TMED3: variants seen among roughly 807,000 people sequenced by gnomAD.
TMED3 encodes transmembrane p24 trafficking protein 3.
A neutral mutation model predicts 15.0 loss-of-function variants in TMED3; 9 were observed. That is an observed-to-expected ratio of 0.60 (90% CI 0.36 to 1.04). The LOEUF (loss-of-function observed/expected upper bound fraction) is 1.04, where lower values mean the gene tolerates loss of function less well. TMED3 is among the 50% of genes least tolerant of loss of function. The probability of loss-of-function intolerance (pLI) is 0.01; values close to 1 mark genes in which losing one functional copy is unlikely to be tolerated. For missense variants in TMED3, 267 were observed against 278.9 expected (o/e 0.96, Z 0.30); for synonymous variants, 117 against 121.4 (o/e 0.96, Z 0.24).
rs10851919 is a variant in TMED3 at position 79,374,113 on chromosome 15, T to C, written c.418-37287T>C. 7.9e-5 allele frequency among the ~76,000 whole-genome samples: 12 copies of C among 152,098 alleles called. No homozygotes were observed. The East Asian group carries it at 2.1e-3, about 27-fold the overall frequency. On this transcript the variant is annotated intron_variant, in intron 2 of 2. Transcript: ENST00000424155. Reference sequence around the variant, plus strand: ...AAGGGGACTCTCTTCAGAATGTAAATTTTCCCCAGTGGCCCTGTAACGTTG... The same window carrying C: ...AAGGGGACTCTCTTCAGAATGTAAACTTTCCCCAGTGGCCCTGTAACGTTG...
At chr15:79,388,115 A>G (rs903506385) in intron 2 of TMED3, among the ~76,000 whole-genome samples, 2 of 152,138 alleles carry the variant, frequency 1.3e-5, no homozygotes, top group Admixed American at 6.5e-5. Context: ...GATGCCCAGT[A>G]AAGTGATGAA....
chr15:79,339,129 C>G (rs1476663788), intron 2 of TMED3, among the ~76,000 whole-genome samples: 1 of 152,174 alleles, frequency 6.6e-6, no homozygotes, highest in East Asian at 1.9e-4. Flanking sequence ...TACTAAAAGT[C>G]TCTAATAATG....
At chr15:79,333,472 T>G (rs2058816827) in intron 2 of TMED3, among the ~76,000 whole-genome samples, 1 of 152,226 alleles carries the variant, frequency 6.6e-6, no homozygotes, top group African/African-American at 2.4e-5. Context: ...TCAAAACTAC[T>G]GAGCCATTAT....
chr15:79,329,126 G>A (rs565244648), intron 2 of TMED3, among the ~76,000 whole-genome samples: 1 of 152,322 alleles, frequency 6.6e-6, no homozygotes, highest in South Asian at 2.1e-4. Context: ...GAATGAAGTT[G>A]TCAAGTATTA....
chr15:79,337,056 C>G (rs2058829848), intron 2 of TMED3, among the ~76,000 whole-genome samples: 1 of 152,244 alleles, frequency 6.6e-6, no homozygotes, highest in Admixed American at 6.5e-5. Flanking sequence ...TCTATTGGAT[C>G]TATCTGCTTT....
chr15:79,398,612 C>A (rs916735486), intron 2 of TMED3, among the ~76,000 whole-genome samples: 1 of 152,144 alleles, frequency 6.6e-6, no homozygotes, highest in African/African-American at 2.4e-5. Context: ...AGAGTTAGTC[C>A]CCTTACTCCA....
At chr15:79,316,820 G>A (rs1389047935) in intron 2 of TMED3, among the ~76,000 whole-genome samples, 3 of 152,174 alleles carry the variant, frequency 2.0e-5, no homozygotes, top group Non-Finnish European at 2.9e-5. Flanking sequence ...TGGAAAAACA[G>A]GACCCTGAAA....
chr15:79,356,274 C>A (rs1692055705), intron 2 of TMED3, among the ~76,000 whole-genome samples: 1 of 152,188 alleles, frequency 6.6e-6, no homozygotes, highest in African/African-American at 2.4e-5. Context: ...AATGTCCCCC[C>A]ATTAGAACAA....
intron 2 of TMED3, among the ~76,000 whole-genome samples, chr15:79,408,597 A>G (rs550215810): frequency 1.8e-4 from 28 of 152,292 alleles, no homozygotes; most frequent in African/African-American, 6.5e-4. Flanking sequence ...GGAGACAGAG[A>G]AGGAGTGGGA....
Position 79,311,434 on chromosome 15 carries a change from G to A in TMED3, c.168+17G>A, listed in dbSNP as rs752024617. The A allele has an allele frequency of 6.3e-7, 1 of 1,595,472 alleles. No homozygotes were observed. The highest frequency in any genetic ancestry group is 1.1e-5 in the South Asian group (1 of 88,070). On this transcript the variant is annotated intron_variant, in intron 1 of 2. Transcript: ENST00000299705. ...GATTACCAGGTGAGGCCGGGCGCCC[G>A]GCAGCGCTCCCTTCTCCCTCCACTC...
chr15:79,329,418 A>G (rs1168917289), intron 2 of TMED3, among the ~76,000 whole-genome samples: 1 of 152,234 alleles, frequency 6.6e-6, no homozygotes, highest in Non-Finnish European at 1.5e-5. Flanking sequence ...GGCCAGAGTG[A>G]CTCAGCAAGT....
At chr15:79,401,403 G>A (rs1233308743) in intron 2 of TMED3, among the ~76,000 whole-genome samples, 1 of 152,148 alleles carries the variant, frequency 6.6e-6, no homozygotes, top group African/African-American at 2.4e-5. Flanking sequence ...GAGTGCATAG[G>A]AGGACGAGAA....
rs1301047242 is a variant in TMED3, at chr15:79,322,775, T to G, written c.*561T>G. 7 of 985,336 alleles carry G rather than the reference T, an allele frequency of 7.1e-6. No homozygotes were observed. The East Asian group carries it at 5.7e-4, about 80-fold the overall frequency. 61.0% of individuals were successfully genotyped at this position (985,336 alleles called of 1,614,324 possible). A position where few individuals can be genotyped will look rare whatever the true frequency, so the allele number is the denominator to read the frequency against. On this transcript the variant is annotated 3_prime_UTR_variant, in exon 3 of 3. Transcript: ENST00000299705. ...TGGTGACTGGGTGCCCTTGGTGAGCTGTGTATTTCCTAGGAGGTAGAAAAC... is the reference window on the plus strand; with the variant it reads ...TGGTGACTGGGTGCCCTTGGTGAGCGGTGTATTTCCTAGGAGGTAGAAAAC...
chr15:79,336,275 G>A (rs2141226079), intron 2 of TMED3, among the ~76,000 whole-genome samples: 1 of 152,222 alleles, frequency 6.6e-6, no homozygotes, highest in South Asian at 2.1e-4. Flanking sequence ...TGTGGCTCTG[G>A]CAGGCAGATA....
intron 2 of TMED3, among the ~76,000 whole-genome samples, chr15:79,380,363 T>TAG (rs888078834): frequency 3.0e-4 from 44 of 149,132 alleles, no homozygotes; most frequent in African/African-American, 9.8e-4. Flanking sequence ...TATATATATA[T>TAG]AGAGAGAGTT....
At chr15:79,353,190 T>TATTATATATATTATAC (rs1373529043) in intron 2 of TMED3, among the ~76,000 whole-genome samples, 12,542 of 51,032 alleles carry the variant, frequency 0.25, 2,119 homozygotes, top group African/African-American at 0.32. Flanking sequence ...ATAAAATATA[T>TATTATATATATTATAC]ATAATATATA....
chr15:79,410,582 ACTG>A (rs1893963585), intron 2 of TMED3, among the ~76,000 whole-genome samples: 1 of 152,170 alleles, frequency 6.6e-6, no homozygotes, highest in South Asian at 2.1e-4. Context: ...ACAGGAAATG[ACTG>A]CTATTGGGGA....
chr15:79,401,458 C>T (rs1289162085), intron 2 of TMED3, among the ~76,000 whole-genome samples: 1 of 152,126 alleles, frequency 6.6e-6, no homozygotes, highest in Non-Finnish European at 1.5e-5. Context: ...GGCTTTGCCC[C>T]CAGGGGACAT....
In TMED3 at chr15:79,380,244, G is replaced by A. The variant is rs541991310; in HGVS notation, c.418-31156G>A. ...CACACACCTGTAATCCCAGCTACTC[G>A]GGAGGCTGAGGCAGGAGAATCGCTT... On this transcript the variant is annotated intron_variant, in intron 2 of 2. Coordinates refer to the TMED3 transcript ENST00000424155. Among the ~76,000 whole-genome samples the A allele has an allele frequency of 5.3e-5, 8 of 151,840 alleles. No homozygotes were observed. In the South Asian group the frequency reaches 1.0e-3, roughly 20 times the overall value.
Sources: gnomAD v4.1 joint callset for allele counts (sites outside exome capture counted in the v4.1 genomes callset) on GRCh38, gnomAD v4.1.1 for gene constraint, MANE v1.5 for transcripts, NCBI Gene and HGNC (gene_info 2026-07-23, HGNC 2026-07-21) for gene names.